The following ERBB2 variants were observed in gnomAD, a reference collection of about 807,000 sequenced individuals.
ERBB2 encodes receptor tyrosine-protein kinase erbB-2.
Under a neutral mutation model 149.0 loss-of-function variants are expected in ERBB2, and 61 were observed. The observed-to-expected ratio is 0.41, with a 90% CI of 0.33 to 0.51. The LOEUF (loss-of-function observed/expected upper bound fraction) is 0.51, where lower values mean the gene tolerates loss of function less well. Ranked by LOEUF, ERBB2 falls within the 20% of genes least tolerant of loss-of-function variation. ERBB2 has a pLI of 0.25. For synonymous variants in ERBB2, 633 were observed against 678.8 expected, an observed-to-expected ratio of 0.93 and a Z score of 1.05; for missense variants, 1,205 against 1,655.1, an observed-to-expected ratio of 0.73 and a Z score of 4.72.
rs1423654581 is a variant in ERBB2, at chr17:39,723,390, T to A, written c.2018T>A (p.Ile673Asn). ...LVVVLGVVFG[I>N]LIKRRQQKIR... ...GTGGTCTTGGGGGTGGTCTTTGGGA[T>A]CCTCATCAAGCGACGGCAGCAGAAG... Residue 673 changes from isoleucine to asparagine, a missense_variant, in exon 17 of 27, where the codon ATC (isoleucine) becomes AAC (asparagine). Around this residue, in one of 6 missense-constraint regions of ERBB2, gnomAD observed 569 missense variants for 803.5 expected, o/e 0.71. Transcript: ENST00000269571. This position sits in a 1 kb window ranked among gnomAD's most constrained non-coding sequence, Gnocchi z 6.2. 1 of 1,613,938 alleles carries A rather than the reference T, an allele frequency of 6.2e-7. No homozygotes were observed. The highest frequency in any genetic ancestry group is 2.2e-5 in the East Asian group (1 of 44,874).
chr17:39,691,934 C>CATATATATATATATATATATATATAT (rs57592884), upstream of ERBB2, among the ~76,000 whole-genome samples: 4 of 120,878 alleles, frequency 3.3e-5, no homozygotes, highest in South Asian at 2.5e-4. Flanking sequence ...TATACATATA[C>CATATATATATATATATATATATATAT]ATATATATAT....
chr17:39,691,245 G>A (rs2057688433), upstream of ERBB2, among the ~76,000 whole-genome samples: 1 of 151,596 alleles, frequency 6.6e-6, no homozygotes, highest in African/African-American at 2.4e-5. Flanking sequence ...ATAAACAAGT[G>A]TCAAACAAAA....
rs117774198 is a variant in ERBB2 at position 39,723,200 on chromosome 17, G to A, written c.1947-119G>A. On this transcript the variant is annotated intron_variant, in intron 16 of 26. Transcript: ENST00000269571. The surrounding 1 kb of genome is among the most constrained non-coding windows in gnomAD (Gnocchi z 6.2). The stretch of plus-strand genomic sequence containing the variant: ...AGAGTAGGAGAGGGTCCAAGCCTGT[G>A]GGTCACCCTTCCGACTTCCCTTTCC... 2.2e-3 allele frequency: 2,279 copies of A among 1,047,324 alleles called. 5 individuals are homozygous for A. The highest frequency in any genetic ancestry group is 2.9e-3 in the Non-Finnish European group (2,015 of 705,462). 64.9% of individuals were successfully genotyped at this position (1,047,324 alleles called of 1,614,324 possible). A position where few individuals can be genotyped will look rare whatever the true frequency, so the allele number is the denominator to read the frequency against.
intron 7 of ERBB2, 54 bp from the exon 8 acceptor site, chr17:39,711,874 A>G: frequency 6.2e-7 from 1 of 1,611,284 alleles, no homozygotes; most frequent in South Asian, 1.1e-5. Flanking sequence ...AATGCTGCTC[A>G]TGGTGGTGCA....
At chr17:39,699,130 A>G (rs182186854), upstream of ERBB2, among the ~76,000 whole-genome samples, 467 of 152,246 alleles carry the variant, frequency 3.1e-3, 10 homozygotes, top group Admixed American at 0.029. Flanking sequence ...GCCTCCTTAA[A>G]TAAGCAAGAA....
rs1008356509 is a variant in ERBB2 at position 39,724,025 on chromosome 17, C to G, written c.2307+15C>G. 3 of 1,587,174 alleles carry G rather than the reference C, an allele frequency of 1.9e-6. No homozygotes were observed. Among genetic ancestry groups the G allele is most frequent in the Non-Finnish European group, 1.7e-6 (2 of 1,158,042 alleles). ...AAATCTTAGACGTAAGCCCCTCCAC[C>G]CTCTCCTGCTAGGAGGACAGGAAGG... On this transcript the variant is annotated intron_variant, in intron 19 of 26. Coordinates refer to ENST00000269571, the MANE Select transcript of ERBB2 (RefSeq NM_004448.4).
chr17:39,719,092 C>T (rs574802552), intron 15 of ERBB2, among the ~76,000 whole-genome samples: 3 of 152,216 alleles, frequency 2.0e-5, no homozygotes, highest in Non-Finnish European at 2.9e-5. Context: ...AAAACCCCGT[C>T]TCTACTAAAA....
chr17:39,717,165 CTG>C, intron 14 of ERBB2, 153 bp from the exon 15 acceptor site: 1 of 579,054 alleles, frequency 1.7e-6, no homozygotes, highest in Non-Finnish European at 2.9e-6. Context: ...GCCACAGAGA[CTG>C]GGTGAAGAGC....
Position 39,723,841 on chromosome 17 carries a change from AATG to A in ERBB2, c.2209-68_2209-66del. The A allele has an allele frequency of 6.6e-7, 1 of 1,504,308 alleles. No homozygotes were observed. Among genetic ancestry groups the A allele is most frequent in the Non-Finnish European group, 9.2e-7 (1 of 1,084,626 alleles). 93.2% of individuals were successfully genotyped at this position (1,504,308 alleles called of 1,614,324 possible). A position where few individuals can be genotyped will look rare whatever the true frequency, so the allele number is the denominator to read the frequency against. ...GGTGAAGGATGTTTGGAGGACAAGT[AATG>A]ATCTCCTGGAAGGCAGGTAGGATCC... On this transcript the variant is annotated intron_variant, in intron 18 of 26. Transcript: ENST00000269571. This position sits in a 1 kb window ranked among gnomAD's most constrained non-coding sequence, Gnocchi z 6.2.
In ERBB2 at chr17:39,716,438, GA is replaced by G. The variant is rs747148628; in HGVS notation, c.1646+6del. 4 of 1,612,494 alleles carry G rather than the reference GA, an allele frequency of 2.5e-6. No homozygotes were observed. The African/African-American group carries it at 4.0e-5, about 16-fold the overall frequency. On this transcript the variant is annotated splice_donor_region_variant and intron_variant, in intron 13 of 26. Coordinates refer to ENST00000269571, the MANE Select transcript of ERBB2 (RefSeq NM_004448.4). ...GGAATGCCGAGTACTGCAGGGGTAT[GA>G]GGGGCGGAGGAGAGGGTGGCTGGAG...
intron 1 of ERBB2, among the ~76,000 whole-genome samples, chr17:39,704,598 C>A (rs1055627480): frequency 3.3e-5 from 5 of 152,052 alleles, no homozygotes; most frequent in African/African-American, 1.2e-4. Context: ...TGGGACAGGG[C>A]AGATATGGGG....
intron 19 of ERBB2, 109 bp downstream of exon 19, chr17:39,724,119 A>G: frequency 1.4e-6 from 1 of 723,606 alleles, no homozygotes; most frequent in Non-Finnish European, 2.2e-6. Context: ...ACTCCCGCAA[A>G]CCTAGACTAT....
At chr17:39,718,358 T>C (rs908584612) in intron 15 of ERBB2, among the ~76,000 whole-genome samples, 3 of 152,242 alleles carry the variant, frequency 2.0e-5, no homozygotes, top group African/African-American at 7.2e-5. Context: ...CTCAACTCCC[T>C]GTCCACCCAG....
Position 39,725,338 on chromosome 17 carries a change from G to A in ERBB2, c.2661G>A (p.Lys887=), listed in dbSNP as rs2059692120. 1.2e-6 allele frequency: 2 copies of A among 1,614,022 alleles called. No individual in the cohort carries two copies. Among genetic ancestry groups the A allele is most frequent in the African/African-American group, 2.7e-5 (2 of 74,982 alleles). Residue 887 remains lysine, a synonymous_variant, in exon 22 of 27, where the codon AAG becomes AAA. Transcript: ENST00000269571. This position sits in a 1 kb window ranked among gnomAD's most constrained non-coding sequence, Gnocchi z 4.6. The part of the protein sequence containing the change: ...YHADGGKVPI[K]WMALESILRR... ...TTCTGCCCTCCCAGGTGCCCATCAA[G>A]TGGATGGCGCTGGAGTCCATTCTCC... is the stretch of plus-strand genomic sequence containing the variant.
Position 39,702,062 on chromosome 17 carries a change from C to T in ERBB2, c.73+1751C>T, listed in dbSNP as rs150130531. Among the ~76,000 whole-genome samples, 703 of 152,302 alleles carry T rather than the reference C, an allele frequency of 4.6e-3. 2 individuals carry two copies. The highest frequency in any genetic ancestry group is 0.016 in the African/African-American group (666 of 41,556). On this transcript the variant is annotated intron_variant, in intron 1 of 26. Transcript: ENST00000269571. ...CCTCATGTCCTCACCCCTCAACCTG[C>T]ACTATTGATTGTGTTGTGCAGGAGT...
Position 39,726,521 on chromosome 17 carries a change from C to G in ERBB2, c.2873-41C>G, listed in dbSNP as rs1310246195. On this transcript the variant is annotated intron_variant, in intron 23 of 26. Coordinates refer to ENST00000269571, the MANE Select transcript of ERBB2 (RefSeq NM_004448.4). The surrounding 1 kb of genome is among the most constrained non-coding windows in gnomAD (Gnocchi z 5.1). The stretch of plus-strand genomic sequence containing the variant: ...TGGGAGGGGAGAGGCAGCAAGCACA[C>G]AGGGCCTGGGACTAGCATGCTGACC... The G allele has an allele frequency of 1.9e-6, 3 of 1,551,902 alleles. No individual in the cohort carries two copies. The highest frequency in any genetic ancestry group is 1.1e-5 in the South Asian group (1 of 89,654).
chr17:39,722,383 G>T (rs1487588414), intron 16 of ERBB2, among the ~76,000 whole-genome samples: 1 of 152,028 alleles, frequency 6.6e-6, no homozygotes, highest in Non-Finnish European at 1.5e-5. Context: ...TGTGTCTGTA[G>T]TCCCAGCTAC....
upstream of ERBB2, among the ~76,000 whole-genome samples, chr17:39,692,326 T>TA: frequency 6.6e-6 from 1 of 151,836 alleles, no homozygotes; most frequent in Non-Finnish European, 1.5e-5. Flanking sequence ...TCTAGAAAGA[T>TA]AAAAAAGAAA....
Position 39,714,189 on chromosome 17 carries a change from A to T in ERBB2, c.1149-1097A>T, listed in dbSNP as rs181471382. On this transcript the variant is annotated intron_variant, in intron 9 of 26. Coordinates refer to ENST00000269571, the MANE Select transcript of ERBB2 (RefSeq NM_004448.4). ...TGCATCTGTAGACACACACACAGTGAAGTGTGGTTTTCGTCGTTTTGGTGG... is the reference window on the plus strand; with the variant it reads ...TGCATCTGTAGACACACACACAGTGTAGTGTGGTTTTCGTCGTTTTGGTGG... 2.5e-3 allele frequency among the ~76,000 whole-genome samples: 374 copies of T among 152,262 alleles called. 5 individuals carry two copies. The highest frequency in any genetic ancestry group is 0.024 in the Admixed American group (371 of 15,294).
Sources: gnomAD v4.1 joint callset for allele counts (sites outside exome capture counted in the v4.1 genomes callset) on GRCh38, gnomAD v4.1.1 for gene constraint, gnomAD v4.1.1 regional missense constraint, Gnocchi (gnomAD v3.1) non-coding constraint, MANE v1.5 for transcripts, NCBI Gene and HGNC (gene_info 2026-07-23, HGNC 2026-07-21) for gene names.